The following EPB41L5 variants were observed in gnomAD, a reference collection of about 807,000 sequenced individuals.
EPB41L5 encodes the protein band 4.1-like protein 5.
A neutral mutation model predicts 106.6 loss-of-function variants in EPB41L5; 55 were observed. That is an observed-to-expected ratio of 0.52 (90% CI 0.42 to 0.65). EPB41L5 has a LOEUF of 0.65. Among genes scored for constraint, EPB41L5 ranks in the 30% least tolerant of loss-of-function variants. The pLI, the probability that EPB41L5 is intolerant of heterozygous loss-of-function variation, is 0.00. For synonymous variants in EPB41L5, 297 were observed against 306.7 expected, an observed-to-expected ratio of 0.97 and a Z score of 0.33; for missense variants, 871 against 882.1, an observed-to-expected ratio of 0.99 and a Z score of 0.16.
Position 120,169,181 on chromosome 2 carries a change from C to G in EPB41L5, c.2135+1174C>G, listed in dbSNP as rs895814682. 5.9e-5 allele frequency among the ~76,000 whole-genome samples: 9 copies of G among 152,064 alleles called. No individual in the cohort carries two copies. The South Asian group carries it at 1.9e-3, about 32-fold the overall frequency. ...ACAGAATAGAGTCTGGAAACAAACT[C>G]ATATGTAATACAGTTTTCTGGTTTA... On this transcript the variant is annotated intron_variant, in intron 24 of 24. Coordinates refer to ENST00000263713, the MANE Select transcript of EPB41L5 (RefSeq NM_020909.4).
intron 16 of EPB41L5, chr2:120,106,594 A>T: frequency 1.0e-6 from 1 of 985,258 alleles, no homozygotes; most frequent in Non-Finnish European, 1.2e-6. Context: ...ATCAGTACAG[A>T]ACTTAAGTAT....
chr2:120,096,761 G>A (rs1205408389), intron 14 of EPB41L5, among the ~76,000 whole-genome samples: 2 of 152,150 alleles, frequency 1.3e-5, no homozygotes, highest in Non-Finnish European at 2.9e-5. Flanking sequence ...CTGCACTCTA[G>A]CCCGGGTGAT....
In EPB41L5 at chr2:120,174,924, T is replaced by A. The variant is rs748735174; in HGVS notation, c.*17T>A. The A allele has an allele frequency of 8.1e-6, 13 of 1,608,764 alleles. No homozygotes were observed. The South Asian group carries it at 1.3e-4, about 16-fold the overall frequency. Reference sequence around the variant, plus strand: ...GAGCTCTGAGGGCCTGTAGCTGGAATACGCATCTCTCCAGCATTCCGTCCT... The same window carrying A: ...GAGCTCTGAGGGCCTGTAGCTGGAAAACGCATCTCTCCAGCATTCCGTCCT... On this transcript the variant is annotated 3_prime_UTR_variant, in exon 25 of 25. Transcript: ENST00000263713.
chr2:120,160,516 C>T, intron 20 of EPB41L5: 1 of 165,296 alleles, frequency 6.0e-6, no homozygotes, highest in Non-Finnish European at 1.3e-5. Context: ...GGATGTTTAC[C>T]CATTAGTGGA....
intron 16 of EPB41L5, among the ~76,000 whole-genome samples, chr2:120,113,872 TG>T (rs1250168339): frequency 6.6e-6 from 1 of 152,206 alleles, no homozygotes; most frequent in Non-Finnish European, 1.5e-5. Context: ...AATATTCCCT[TG>T]TATGATGCCC....
intron 3 of EPB41L5, among the ~76,000 whole-genome samples, chr2:120,065,911 T>C (rs1276592801): frequency 1.3e-5 from 2 of 152,202 alleles, no homozygotes; most frequent in African/African-American, 2.4e-5. Context: ...TTTAGCCTAT[T>C]AATTTTCAGT....
intron 20 of EPB41L5, among the ~76,000 whole-genome samples, chr2:120,148,342 G>A (rs1303751136): frequency 6.6e-6 from 1 of 151,734 alleles, no homozygotes; most frequent in Non-Finnish European, 1.5e-5. Flanking sequence ...CAGACCTTAG[G>A]TAAGGTAGAA....
At chr2:120,066,538 G>A (rs946196248) in intron 3 of EPB41L5, among the ~76,000 whole-genome samples, 2 of 152,118 alleles carry the variant, frequency 1.3e-5, no homozygotes, top group Admixed American at 6.5e-5. Flanking sequence ...TACATAGGCT[G>A]TCCTAATTTT....
chr2:120,066,619 T>TG (rs1279465315), intron 3 of EPB41L5, among the ~76,000 whole-genome samples: 1 of 152,170 alleles, frequency 6.6e-6, no homozygotes, highest in African/African-American at 2.4e-5. Context: ...ATTGCTGGGT[T>TG]GAAGGCACAT....
intron 21 of EPB41L5, among the ~76,000 whole-genome samples, chr2:120,163,333 T>G (rs1395089680): frequency 1.4e-5 from 2 of 147,756 alleles, no homozygotes; most frequent in African/African-American, 5.0e-5. Flanking sequence ...TGCCCTAGGT[T>G]CCTATTGTTT....
intron 2 of EPB41L5, among the ~76,000 whole-genome samples, chr2:120,025,074 C>T (rs546670931): frequency 9.2e-5 from 14 of 152,186 alleles, no homozygotes; most frequent in South Asian, 6.2e-4. Context: ...GGAATGGTAC[C>T]GCTCCTCTTT....
chr2:120,078,343 A>T (rs950079719), intron 9 of EPB41L5, 150 bp from the exon 10 acceptor site: 2 of 395,848 alleles, frequency 5.1e-6, no homozygotes, highest in African/African-American at 4.2e-5. Context: ...ATTATTATGG[A>T]TACTCTAATT....
chr2:120,087,875 C>G (rs1279016965), intron 11 of EPB41L5, among the ~76,000 whole-genome samples: 1 of 152,152 alleles, frequency 6.6e-6, no homozygotes. Flanking sequence ...GTATCAGTTA[C>G]AGTGTGGTTC....
intron 16 of EPB41L5, among the ~76,000 whole-genome samples, chr2:120,115,831 CAA>C (rs1260340522): frequency 1.3e-5 from 2 of 151,264 alleles, no homozygotes; most frequent in African/African-American, 2.4e-5. Flanking sequence ...TTTTTCGAGA[CAA>C]GAGTCTTGCA....
intron 14 of EPB41L5, among the ~76,000 whole-genome samples, chr2:120,098,469 C>CGGG (rs922984783): frequency 6.6e-6 from 1 of 152,078 alleles, no homozygotes; most frequent in Non-Finnish European, 1.5e-5. Context: ...TGCCTCGGCC[C>CGGG]CTGAGAGTGC....
intron 24 of EPB41L5, among the ~76,000 whole-genome samples, chr2:120,172,008 T>C (rs1361750176): frequency 5.6e-5 from 6 of 107,138 alleles, no homozygotes; most frequent in Admixed American, 1.1e-4. Flanking sequence ...AACAGGAAAC[T>C]TAAAAAAAAA....
At chr2:120,086,494 G>A (rs1217220226) in intron 10 of EPB41L5, among the ~76,000 whole-genome samples, 1 of 152,148 alleles carries the variant, frequency 6.6e-6, no homozygotes, top group African/African-American at 2.4e-5. Context: ...TGGTTGCAGT[G>A]GCTCACGTCT....
intron 3 of EPB41L5, among the ~76,000 whole-genome samples, chr2:120,052,865 A>G (rs1405878875): frequency 2.0e-5 from 3 of 152,334 alleles, no homozygotes; most frequent in African/African-American, 7.2e-5. Context: ...ACACCCATAA[A>G]TAATTGAAAT....
chr2:120,034,866 ATCAG>A (rs1334743329), intron 2 of EPB41L5, among the ~76,000 whole-genome samples: 10 of 152,310 alleles, frequency 6.6e-5, no homozygotes, highest in East Asian at 1.9e-4. Flanking sequence ...CCATCTCAAA[ATCAG>A]TCAGTCAGTC....
Sources: allele counts gnomAD v4.1 joint callset (sites outside exome capture counted in the v4.1 genomes callset), GRCh38; gene constraint gnomAD v4.1.1; transcripts MANE v1.5; gene names NCBI Gene and HGNC (gene_info 2026-07-23, HGNC 2026-07-21).